The following RPS6KA2 variants were observed in gnomAD, a reference collection of about 807,000 sequenced individuals.
The protein encoded by RPS6KA2 is ribosomal protein S6 kinase alpha-2.
RPS6KA2 carries 42 observed loss-of-function variants against 91.8 expected under a neutral mutation model. That is an observed-to-expected ratio of 0.46 (90% CI 0.36 to 0.59). The LOEUF (loss-of-function observed/expected upper bound fraction) is 0.59. RPS6KA2 is among the 20% of genes least tolerant of loss of function. RPS6KA2 has a pLI of 0.00. For synonymous variants in RPS6KA2, 414 were observed against 393.6 expected (o/e 1.05, Z -0.61); for missense variants, 798 against 978.5 (o/e 0.82, Z 2.46).
intron 3 of RPS6KA2, among the ~76,000 whole-genome samples, chr6:166,511,136 C>T (rs530483406): frequency 2.0e-4 from 30 of 152,254 alleles, no homozygotes; most frequent in African/African-American, 7.0e-4. Flanking sequence ...TGATGCTAAA[C>T]GTGATGTGTG....
intron 10 of RPS6KA2, among the ~76,000 whole-genome samples, chr6:166,476,479 G>A (rs1450607587): frequency 6.6e-6 from 1 of 152,164 alleles, no homozygotes; most frequent in Non-Finnish European, 1.5e-5. Context: ...TACACTGTGC[G>A]CACACAGAGG....
At chr6:166,656,094 C>T (rs1034384503) in intron 2 of RPS6KA2, among the ~76,000 whole-genome samples, 3 of 152,170 alleles carry the variant, frequency 2.0e-5, no homozygotes, top group Non-Finnish European at 4.4e-5. Flanking sequence ...CGCCTAGAAC[C>T]GTGAACAAAG....
At position 166,807,457 on chromosome 6, in the gene RPS6KA2, A is replaced by G. The variant is rs139238523; in HGVS notation, c.123+50743T>C. Among the ~76,000 whole-genome samples, 39 of 152,168 alleles carry G rather than the reference A, an allele frequency of 2.6e-4. No homozygotes were observed. The East Asian group carries it at 2.9e-3, about 11-fold the overall frequency. ...CACCACCTCTGGCGTGGAGGGTTGC[A>G]GGTCTCCCCGCTTCTGCCCTGCTCC... On this transcript the variant is annotated intron_variant, in intron 2 of 21. Transcript: ENST00000503859.
rs867531964 is a variant in RPS6KA2, at chr6:166,648,212, A to G, written c.124-109428T>C. Among the ~76,000 whole-genome samples the G allele has an allele frequency of 2.0e-5, 3 of 150,750 alleles. No individual in the cohort carries two copies. Among genetic ancestry groups the G allele is most frequent in the African/African-American group, 4.9e-5 (2 of 40,838 alleles). On this transcript the variant is annotated intron_variant, in intron 2 of 21. Transcript: ENST00000503859. This position sits in a 1 kb window ranked among gnomAD's most constrained non-coding sequence, Gnocchi z 4.8. Reference sequence around the variant, plus strand: ...CACATGCTCATACACACACTCATGCACACACACGCACATGCGCACACACAC... The same window carrying G: ...CACATGCTCATACACACACTCATGCGCACACACGCACATGCGCACACACAC...
rs1703140193 is a variant in RPS6KA2, at chr6:166,500,822, G to A, written c.604+65C>T. On this transcript the variant is annotated intron_variant, in intron 7 of 20. Transcript: ENST00000265678. This position sits in a 1 kb window ranked among gnomAD's most constrained non-coding sequence, Gnocchi z 4.3. ...GTAAATAAGAGGGCTTGGGCTTTGA[G>A]GTGGTCCCCAAAGGTACCAGGGCTG... 1 of 1,452,138 alleles carries A rather than the reference G, an allele frequency of 6.9e-7. No individual in the cohort carries two copies. The highest frequency in any genetic ancestry group is 1.4e-5 in the African/African-American group (1 of 71,470). 90.0% of individuals were successfully genotyped at this position (1,452,138 alleles called of 1,614,324 possible).
chr6:166,839,683 GA>G lies in RPS6KA2; in HGVS notation c.123+18516del, dbSNP rs1780410537. Among the ~76,000 whole-genome samples, 5 of 86,430 alleles carry G rather than the reference GA, an allele frequency of 5.8e-5. 1 individual carries two copies. Among genetic ancestry groups the G allele is most frequent in the Admixed American group, 1.1e-4 (1 of 9,214 alleles). 56.7% of individuals were successfully genotyped at this position (86,430 alleles called of 152,430 possible). ...AAGAGGGAGGTGGAAATCAGAGCAG[GA>G]GAGGAGAGGGGAGGAGAGGAGAGGA... On this transcript the variant is annotated intron_variant, in intron 2 of 21. Coordinates refer to the RPS6KA2 transcript ENST00000503859.
intron 2 of RPS6KA2, among the ~76,000 whole-genome samples, chr6:166,742,119 C>T (rs1034441181): frequency 1.3e-5 from 2 of 151,990 alleles, no homozygotes; most frequent in Admixed American, 6.6e-5. Flanking sequence ...GGTAACAGAG[C>T]GAGACTCCAT....
At chr6:166,788,395 A>G (rs1159652646) in intron 2 of RPS6KA2, among the ~76,000 whole-genome samples, 2 of 152,232 alleles carry the variant, frequency 1.3e-5, no homozygotes, top group East Asian at 1.9e-4. Context: ...ACCTATGTTT[A>G]TTGCAGCACT....
intron 2 of RPS6KA2, among the ~76,000 whole-genome samples, chr6:166,799,145 G>A (rs1779297906): frequency 6.6e-6 from 1 of 152,200 alleles, no homozygotes; most frequent in South Asian, 2.1e-4. Flanking sequence ...GAACAAGTTT[G>A]CTTTAGCTCA....
At chr6:166,658,741 T>C (rs1490114877) in intron 2 of RPS6KA2, among the ~76,000 whole-genome samples, 1 of 152,190 alleles carries the variant, frequency 6.6e-6, no homozygotes, top group Admixed American at 6.5e-5. Context: ...AGTTGGCAAT[T>C]CTGACCTTCA....
intron 2 of RPS6KA2, among the ~76,000 whole-genome samples, chr6:166,839,533 T>C (rs1416726059): frequency 6.6e-6 from 1 of 151,290 alleles, no homozygotes; most frequent in African/African-American, 2.4e-5. Flanking sequence ...ACTGTATATT[T>C]ATCATTATTT....
chr6:166,810,346 T>C (rs1208717262), intron 2 of RPS6KA2, among the ~76,000 whole-genome samples: 1 of 152,076 alleles, frequency 6.6e-6, no homozygotes, highest in Non-Finnish European at 1.5e-5. Context: ...CCCCTGGCTA[T>C]AAGCAACAGA....
chr6:166,538,794 A>G lies in RPS6KA2; in HGVS notation c.100-10T>C. The G allele has an allele frequency of 1.4e-6, 2 of 1,474,998 alleles. No homozygotes were observed. The highest frequency in any genetic ancestry group is 1.9e-6 in the Non-Finnish European group (2 of 1,054,016). The allele number at this position is 1,474,998 out of a possible 1,614,324, so 91.4% of individuals were successfully genotyped here. ...TCACGACGCCTTCTTCCTGCAAGAG[A>G]GCGGCACGGGTGAGAAACACACCGC... On this transcript the variant is annotated splice_polypyrimidine_tract_variant and intron_variant, in intron 1 of 20. Transcript: ENST00000265678.
chr6:166,556,624 G>A (rs2128503531), intron 1 of RPS6KA2, among the ~76,000 whole-genome samples: 1 of 152,250 alleles, frequency 6.6e-6, no homozygotes, highest in African/African-American at 2.4e-5. Flanking sequence ...TACAGAGGTG[G>A]GCAACTGGCA....
intron 2 of RPS6KA2, among the ~76,000 whole-genome samples, chr6:166,534,146 C>T (rs558027894): frequency 3.0e-3 from 441 of 145,812 alleles, no homozygotes; most frequent in Admixed American, 5.5e-3. Context: ...GGTGTGAACC[C>T]GGGAGGCGGA....
In RPS6KA2 at chr6:166,508,384, G is replaced by A. The variant is rs950906540; in HGVS notation, c.380-102C>T. 2 of 769,946 alleles carry A rather than the reference G, an allele frequency of 2.6e-6. No homozygotes were observed. The highest frequency in any genetic ancestry group is 2.6e-5 in the East Asian group (1 of 38,688). The allele number at this position is 769,946 out of a possible 1,614,324, so 47.7% of individuals were successfully genotyped here. ...CTCACGGTGCTGCTTACTCCGGGAGGCTGAGTCACTTGAGAAACGGCAGGA... is the reference window on the plus strand; with the variant it reads ...CTCACGGTGCTGCTTACTCCGGGAGACTGAGTCACTTGAGAAACGGCAGGA... On this transcript the variant is annotated intron_variant, in intron 4 of 20. Coordinates refer to ENST00000265678, the MANE Select transcript of RPS6KA2 (RefSeq NM_021135.6). This position sits in a 1 kb window ranked among gnomAD's most constrained non-coding sequence, Gnocchi z 4.3.
intron 12 of RPS6KA2, among the ~76,000 whole-genome samples, chr6:166,454,149 C>A (rs902797142): frequency 1.3e-5 from 2 of 152,162 alleles, no homozygotes; most frequent in African/African-American, 4.8e-5. Flanking sequence ...GCCCTCACCA[C>A]TATGTACTCT....
At chr6:166,525,150 C>T (rs140499985) in intron 3 of RPS6KA2, among the ~76,000 whole-genome samples, 313 of 152,302 alleles carry the variant, frequency 2.1e-3, no homozygotes, top group Non-Finnish European at 3.3e-3. Context: ...CTTGGTCTCA[C>T]GGTTGGGAAC....
At chr6:166,861,502 C>T (rs181719340) in intron 1 of RPS6KA2, among the ~76,000 whole-genome samples, 159 of 152,338 alleles carry the variant, frequency 1.0e-3, no homozygotes, top group Middle Eastern at 6.8e-3. Flanking sequence ...GAGTGAAAAA[C>T]TCTCAGCAGT....
Sources: allele counts gnomAD v4.1 joint callset (sites outside exome capture counted in the v4.1 genomes callset), GRCh38; gene constraint gnomAD v4.1.1; non-coding constraint Gnocchi (gnomAD v3.1); transcripts MANE v1.5; gene names NCBI Gene and HGNC (gene_info 2026-07-23, HGNC 2026-07-21).